IRGM: variants seen among roughly 807,000 people sequenced by gnomAD.
IRGM encodes the protein immunity related GTPase M.
For synonymous variants in IRGM, 98 were observed against 80.6 expected (o/e 1.22, Z -1.16); for missense variants, 288 against 219.9 (o/e 1.31, Z -1.96).
At chr5:150,877,217 C>T (rs1054270708) in intron 1 of IRGM, among the ~76,000 whole-genome samples, 9 of 152,036 alleles carry the variant, frequency 5.9e-5, no homozygotes, top group Admixed American at 3.9e-4. Flanking sequence ...GAGTATTGTT[C>T]CTGGGTGTGT....
intron 3 of IRGM, among the ~76,000 whole-genome samples, chr5:150,885,865 GA>G (rs1197487405): frequency 1.3e-5 from 2 of 152,076 alleles, no homozygotes; most frequent in Non-Finnish European, 2.9e-5. Context: ...TGCAAACAGA[GA>G]TCGTTTTACT....
intron 1 of IRGM, among the ~76,000 whole-genome samples, chr5:150,876,049 C>T (rs531867755): frequency 1.3e-4 from 20 of 152,320 alleles, no homozygotes; most frequent in South Asian, 1.0e-3. Flanking sequence ...ACTCACTTTA[C>T]GGCTAAAGAA....
chr5:150,899,061 T>C (rs1174291288), intron 3 of IRGM, among the ~76,000 whole-genome samples: 1 of 151,904 alleles, frequency 6.6e-6, no homozygotes, highest in South Asian at 2.1e-4. Context: ...AAGACATGCA[T>C]AGAGGGAAGA....
intron 3 of IRGM, among the ~76,000 whole-genome samples, chr5:150,886,855 A>G (rs115426205): frequency 6.6e-6 from 1 of 151,794 alleles, no homozygotes; most frequent in Non-Finnish European, 1.5e-5. Context: ...AAAACCAACT[A>G]CTGGATTTAT....
chr5:150,883,032 G>T (rs1754468294), intron 3 of IRGM, among the ~76,000 whole-genome samples: 2 of 151,852 alleles, frequency 1.3e-5, no homozygotes, highest in Admixed American at 6.6e-5. Flanking sequence ...CAGCCAAAAT[G>T]GTATGAAACT....
chr5:150,854,326 A>C (rs10062765), intron 1 of IRGM, among the ~76,000 whole-genome samples: 9,446 of 152,194 alleles, frequency 0.062, 787 homozygotes, highest in African/African-American at 0.19. Context: ...TCTTTAAAAA[A>C]TAAAGTGTAG....
intron 3 of IRGM, among the ~76,000 whole-genome samples, chr5:150,882,819 G>C (rs1754465026): frequency 6.6e-6 from 1 of 152,094 alleles, no homozygotes; most frequent in Non-Finnish European, 1.5e-5. Context: ...TATCCAGACA[G>C]AAAATCAATA....
chr5:150,867,083 T>C, intron 1 of IRGM, among the ~76,000 whole-genome samples: 1 of 152,174 alleles, frequency 6.6e-6, no homozygotes, highest in South Asian at 2.1e-4. Flanking sequence ...ATAAATTCCT[T>C]AGTGGTGATT....
chr5:150,858,560 A>G (rs1458007832), intron 1 of IRGM, among the ~76,000 whole-genome samples: 1 of 152,214 alleles, frequency 6.6e-6, no homozygotes, highest in Non-Finnish European at 1.5e-5. Flanking sequence ...ACCCATAAGC[A>G]TGGAATGTTC....
At chr5:150,868,228 T>C (rs1754234142) in intron 1 of IRGM, among the ~76,000 whole-genome samples, 1 of 152,122 alleles carries the variant, frequency 6.6e-6, no homozygotes, top group Non-Finnish European at 1.5e-5. Context: ...TTGAATACAG[T>C]GTCATTTCCC....
intron 1 of IRGM, among the ~76,000 whole-genome samples, chr5:150,862,365 A>G (rs569031396): frequency 7.2e-5 from 11 of 152,368 alleles, no homozygotes; most frequent in African/African-American, 2.6e-4. Context: ...GTTCCTGTCC[A>G]CATTCAAGGA....
At chr5:150,896,023 C>G in intron 3 of IRGM, 4 of 1,613,516 alleles carry the variant, frequency 2.5e-6, no homozygotes, top group Non-Finnish European at 3.4e-6. Flanking sequence ...TACGGCTTCT[C>G]TCCAGTATGA....
At chr5:150,882,629 G>T (rs950113836) in intron 3 of IRGM, among the ~76,000 whole-genome samples, 1 of 152,122 alleles carries the variant, frequency 6.6e-6, no homozygotes, top group Non-Finnish European at 1.5e-5. Context: ...AGACAAAATT[G>T]CTATGTAACC....
intron 1 of IRGM, among the ~76,000 whole-genome samples, chr5:150,872,544 A>G (rs1054400319): frequency 6.6e-6 from 1 of 152,232 alleles, no homozygotes; most frequent in Non-Finnish European, 1.5e-5. Context: ...TCTAATTTAT[A>G]TAAGCAGAAA....
At chr5:150,858,428 T>G (rs1754088814) in intron 1 of IRGM, among the ~76,000 whole-genome samples, 1 of 152,200 alleles carries the variant, frequency 6.6e-6, no homozygotes, top group Non-Finnish European at 1.5e-5. Flanking sequence ...TGGTTCCATA[T>G]GAACTTTAAA....
At chr5:150,848,798 T>C (rs1330474188), downstream of IRGM, 1 of 674,244 alleles carries the variant, frequency 1.5e-6, no homozygotes, top group Non-Finnish European at 2.5e-6. Context: ...GTAGAGAGTG[T>C]GGTTGTGTTG....
chr5:150,856,090 T>C (rs1217790557), intron 1 of IRGM, among the ~76,000 whole-genome samples: 1 of 152,044 alleles, frequency 6.6e-6, no homozygotes, highest in African/African-American at 2.4e-5. Flanking sequence ...TTTAAAAGTA[T>C]GTATATATAT....
Position 150,848,618 on chromosome 5 carries a change from C to T in IRGM, c.495C>T (p.Ile165=). 1 of 1,548,600 alleles carries T rather than the reference C, an allele frequency of 6.5e-7. No homozygotes were observed. Among genetic ancestry groups the T allele is most frequent in the Non-Finnish European group, 8.7e-7 (1 of 1,144,512 alleles). Residue 165 remains isoleucine (I), a synonymous_variant, in exon 2 of 2, where the codon ATC becomes ATT. Coordinates refer to ENST00000522154, the MANE Select transcript of IRGM (RefSeq NM_001145805.2). The part of the protein sequence containing the change: ...GALPEVQLLQ[I]RENVLENLQK... ...TCCCAGAAGTGCAGCTACTGCAGATCAGAGAAAATGTCCTGGAAAATCTCC... is the reference window on the plus strand; with the variant it reads ...TCCCAGAAGTGCAGCTACTGCAGATTAGAGAAAATGTCCTGGAAAATCTCC...
At chr5:150,848,954 C>T (rs942458856), downstream of IRGM, among the ~76,000 whole-genome samples, 1 of 152,014 alleles carries the variant, frequency 6.6e-6, no homozygotes, top group African/African-American at 2.4e-5. Context: ...CATCAGGGTC[C>T]TAGCACTCTC....
Sources: allele counts gnomAD v4.1 joint callset (sites outside exome capture counted in the v4.1 genomes callset), GRCh38; gene constraint gnomAD v4.1.1; transcripts MANE v1.5; gene names NCBI Gene and HGNC (gene_info 2026-07-23, HGNC 2026-07-21).